The following TEX2 variants were observed in gnomAD, a reference collection of about 807,000 sequenced individuals.
TEX2 encodes the protein testis expressed 2.
A neutral mutation model predicts 106.9 loss-of-function variants in TEX2; 53 were observed. The observed-to-expected ratio is 0.50, with a 90% CI of 0.40 to 0.62. TEX2 has a LOEUF of 0.62. TEX2 is among the 20% of genes least tolerant of loss of function. The probability of loss-of-function intolerance (pLI) is 0.00; values close to 1 mark genes in which losing one functional copy is unlikely to be tolerated. For missense variants in TEX2, 1,207 were observed against 1,379.0 expected (o/e 0.88, Z 1.98); for synonymous variants, 523 against 534.8 (o/e 0.98, Z 0.30).
intron 6 of TEX2, among the ~76,000 whole-genome samples, chr17:64,175,139 A>T (rs1315396558): frequency 6.6e-6 from 1 of 152,164 alleles, no homozygotes; most frequent in Non-Finnish European, 1.5e-5. Flanking sequence ...GGGTACTTGG[A>T]TATTTGGTGG....
At position 64,153,286 on chromosome 17, in the gene TEX2, C is replaced by T. The variant is rs546275695; in HGVS notation, c.2931-132G>A. On this transcript the variant is annotated intron_variant, in intron 9 of 11. Transcript: ENST00000584379. This position sits in a 1 kb window ranked among gnomAD's most constrained non-coding sequence, Gnocchi z 4.1. Reference sequence around the variant, plus strand: ...TGGATGTGGTGATTCTGTGTTGGGGCGGGGGGCATCCTGTGCATTGCAGGG... The same window carrying T: ...TGGATGTGGTGATTCTGTGTTGGGGTGGGGGGCATCCTGTGCATTGCAGGG... The T allele has an allele frequency of 8.6e-5, 57 of 666,454 alleles. No homozygotes were observed. In the African/African-American group the frequency reaches 8.7e-4, roughly 10 times the overall value. The allele number at this position is 666,454 out of a possible 1,614,324, so 41.3% of individuals were successfully genotyped here. A position where few individuals can be genotyped will look rare whatever the true frequency, so the allele number is the denominator to read the frequency against.
At chr17:64,181,655 C>A (rs2031868464) in intron 5 of TEX2, among the ~76,000 whole-genome samples, 1 of 151,800 alleles carries the variant, frequency 6.6e-6, no homozygotes, top group Non-Finnish European at 1.5e-5. Context: ...GCTGGTATTA[C>A]AGGCATTCAC....
At chr17:64,224,748 C>G (rs968095687) in intron 1 of TEX2, among the ~76,000 whole-genome samples, 1 of 152,120 alleles carries the variant, frequency 6.6e-6, no homozygotes, top group Admixed American at 6.5e-5. Context: ...AGAAAGCCCA[C>G]TCTGGGAAGA....
intron 11 of TEX2, chr17:64,149,933 AAAAAG>A (rs2030264426): frequency 6.6e-6 from 1 of 151,690 alleles, no homozygotes; most frequent in African/African-American, 2.4e-5. Context: ...AAAAAAAAAA[AAAAAG>A]AAAGAAAAAG....
chr17:64,153,131 C>T lies in TEX2; in HGVS notation c.2954G>A (p.Ser985Asn). The change falls in exon 10 of 12, where the codon AGT becomes AAT. Residue 985 changes from serine (S) to asparagine (N), a missense_variant. By Grantham distance (46) the Ser-to-Asn change is conservative. This residue lies in a region of TEX2 where 63 missense variants were observed against 112.2 expected (regional missense o/e 0.56). Coordinates refer to ENST00000584379, the MANE Select transcript of TEX2 (RefSeq NM_001288732.2). This position sits in a 1 kb window ranked among gnomAD's most constrained non-coding sequence, Gnocchi z 4.1. ...TTTATCAACAAACCTCATAATCTTA[C>T]TTGTTCGATGACCTCCAACGTACCT... ...AEGYVGGHRTSKIMRFVDKIT... is the reference protein window; with the variant it reads ...AEGYVGGHRTNKIMRFVDKIT... 1.2e-6 allele frequency: 2 copies of T among 1,613,974 alleles called. No individual in the cohort carries two copies. Among genetic ancestry groups the T allele is most frequent in the South Asian group, 1.1e-5 (1 of 91,080 alleles).
intron 1 of TEX2, chr17:64,242,203 G>A (rs1555635838): frequency 6.6e-6 from 1 of 152,134 alleles, no homozygotes; most frequent in Admixed American, 6.5e-5. Context: ...TGAGCATCAG[G>A]TTTTAGCTTC....
chr17:64,202,024 A>G (rs1297777210), intron 2 of TEX2, among the ~76,000 whole-genome samples: 1 of 152,236 alleles, frequency 6.6e-6, no homozygotes, highest in Non-Finnish European at 1.5e-5. Flanking sequence ...TGACGCCCTA[A>G]TAAGTGCAAG....
At chr17:64,188,136 T>C in intron 5 of TEX2, 32 bp downstream of exon 5, 2 of 1,593,446 alleles carry the variant, frequency 1.3e-6, no homozygotes, top group Non-Finnish European at 1.7e-6. Flanking sequence ...AGTCGAAAAG[T>C]GAAAAAGGTC....
At chr17:64,152,273 C>T (rs954935844) in intron 10 of TEX2, among the ~76,000 whole-genome samples, 22 of 152,290 alleles carry the variant, frequency 1.4e-4, no homozygotes, top group African/African-American at 5.1e-4. Context: ...CTGAACTCAT[C>T]AGTAATTTAT....
chr17:64,213,322 T>C lies in TEX2; in HGVS notation c.896A>G (p.Tyr299Cys), dbSNP rs1199979105. 4 of 1,614,056 alleles carry C rather than the reference T, an allele frequency of 2.5e-6. No individual in the cohort carries two copies. The highest frequency in any genetic ancestry group is 1.7e-5 in the Admixed American group (1 of 60,030). ...DTKRRLSEVI[Y>C]EPFQLLSKII... ...TTTACTAAGGAGCTGAAAAGGCTCA[T>C]AGATGACTTCTGAAAGGCGTCGTTT... is the stretch of plus-strand genomic sequence containing the variant. Residue 299 changes from tyrosine (Y) to cysteine (C), a missense_variant, in exon 2 of 12, where the codon TAT (tyrosine) becomes TGT (cysteine). This residue lies in a region of TEX2 where 1,067 missense variants were observed against 1,193.6 expected (regional missense o/e 0.89). Transcript: ENST00000584379. The surrounding 1 kb of genome is among the most constrained non-coding windows in gnomAD (Gnocchi z 4.4).
In TEX2 at chr17:64,154,973, CAGAG is replaced by C. The variant is rs1433260840; in HGVS notation, c.2805-10_2805-7del. ...AGAATGCCCGGGGCCTGCAACTGGA[CAGAG>C]AGAGAGTCACCACCACTGCCTGCCC... On this transcript the variant is annotated splice_polypyrimidine_tract_variant and splice_region_variant and intron_variant, in intron 8 of 11. Transcript: ENST00000584379. The C allele has an allele frequency of 3.8e-6, 6 of 1,572,668 alleles. No homozygotes were observed. Among genetic ancestry groups the C allele is most frequent in the African/African-American group, 1.4e-5 (1 of 73,712 alleles).
chr17:64,260,736 A>C (rs1174204630), intron 1 of TEX2, among the ~76,000 whole-genome samples: 1 of 152,182 alleles, frequency 6.6e-6, no homozygotes, highest in East Asian at 1.9e-4. Context: ...AGAATCAAAG[A>C]ATAAGCATTC....
intron 1 of TEX2, among the ~76,000 whole-genome samples, chr17:64,242,571 T>C (rs1399303700): frequency 6.6e-6 from 1 of 152,172 alleles, no homozygotes; most frequent in African/African-American, 2.4e-5. Flanking sequence ...CAAAGGGCTG[T>C]TGCCACCAAG....
At chr17:64,222,792 T>A (rs2033395817) in intron 1 of TEX2, among the ~76,000 whole-genome samples, 1 of 148,942 alleles carries the variant, frequency 6.7e-6, no homozygotes, top group Non-Finnish European at 1.5e-5. Flanking sequence ...AGATAATAGA[T>A]GTAAATGTAT....
chr17:64,149,015 G>C lies in TEX2; in HGVS notation c.3338C>G (p.Ser1113Cys), dbSNP rs1238248246. ...CACAGGTGGGTCTTTCAGGAGGCAG[G>C]AAGTAGAGCGAGGGTCCATGGCTGA... ...MHSAMDPRST[S>C]CLLKDPPVEA... is the part of the protein sequence containing the mutation. The change falls in exon 12 of 12, where the codon TCC (serine) becomes TGC (cysteine). Residue 1113 changes from serine to cysteine, a missense_variant. Transcript: ENST00000584379. The C allele has an allele frequency of 2.5e-6, 4 of 1,614,112 alleles. No individual in the cohort carries two copies. Among genetic ancestry groups the C allele is most frequent in the Non-Finnish European group, 3.4e-6 (4 of 1,180,044 alleles).
chr17:64,251,186 C>T lies in TEX2; in HGVS notation c.-26+11982G>A, dbSNP rs192641373. ...AGGTTTCCAGCACATGGGGAATGAG[C>T]TGTTCACACTCAGGCATGAGCTTAC... On this transcript the variant is annotated intron_variant, in intron 1 of 11. Transcript: ENST00000584379. Among the ~76,000 whole-genome samples the T allele has an allele frequency of 1.7e-4, 26 of 152,304 alleles. 1 individual carries two copies. The highest frequency in any genetic ancestry group is 6.0e-4 in the African/African-American group (25 of 41,554).
rs1185788567 is a variant in TEX2, at chr17:64,217,437, G to A, written c.-25-3195C>T. The stretch of plus-strand genomic sequence containing the variant: ...CATGGGCTTCCTGACACTGAGGCCC[G>A]ATGCCCGGCAGGGTGCCTTTTCAAA... On this transcript the variant is annotated intron_variant, in intron 1 of 11. Coordinates refer to ENST00000584379, the MANE Select transcript of TEX2 (RefSeq NM_001288732.2). This position sits in a 1 kb window ranked among gnomAD's most constrained non-coding sequence, Gnocchi z 4.3. 1.3e-5 allele frequency among the ~76,000 whole-genome samples: 2 copies of A among 152,206 alleles called. No homozygotes were observed. The highest frequency in any genetic ancestry group is 1.9e-4 in the East Asian group (1 of 5,196).
chr17:64,212,559 C>T lies in TEX2; in HGVS notation c.1644+15G>A, dbSNP rs782469332. ...AGAAGTGTGTGTACTAGCCAGCTCC[C>T]GGGGAGAGGCTTACCTTCAGTATTT... On this transcript the variant is annotated intron_variant, in intron 2 of 11. Transcript: ENST00000584379. 6.4e-5 allele frequency: 103 copies of T among 1,604,162 alleles called. No individual in the cohort carries two copies. The highest frequency in any genetic ancestry group is 5.0e-4 in the Middle Eastern group (3 of 6,028).
chr17:64,171,280 G>A, intron 6 of TEX2, 81 bp from the exon 7 acceptor site: 2 of 1,204,962 alleles, frequency 1.7e-6, no homozygotes, highest in Non-Finnish European at 2.4e-6. Context: ...TGCTTCCGGA[G>A]AGGATGGTGG....
Sources: allele counts gnomAD v4.1 joint callset (sites outside exome capture counted in the v4.1 genomes callset), GRCh38; gene constraint gnomAD v4.1.1; regional missense constraint gnomAD v4.1.1; non-coding constraint Gnocchi (gnomAD v3.1); transcripts MANE v1.5; gene names NCBI Gene and HGNC (gene_info 2026-07-23, HGNC 2026-07-21).